DOK6: variants seen among roughly 807,000 people sequenced by gnomAD.
DOK6 encodes docking protein 6, also known as downstream of tyrosine kinase 6.
In DOK6, 22 loss-of-function variants were observed where a neutral mutation model predicts 44.0. The observed-to-expected ratio is 0.50, with a 90% CI of 0.36 to 0.71. DOK6 has a LOEUF of 0.71. Ranked by LOEUF, DOK6 falls within the 30% of genes least tolerant of loss-of-function variation. The pLI is 0.00. For synonymous variants in DOK6, 166 were observed against 145.5 expected (o/e 1.14, Z -1.01); for missense variants, 340 against 416.4 (o/e 0.82, Z 1.60).
rs56689317 is a variant in DOK6 at position 69,657,708 on chromosome 18, T to C, written c.290-20026T>C. Among the ~76,000 whole-genome samples the C allele has an allele frequency of 5.0e-3, 760 of 152,292 alleles. 6 individuals are homozygous for C. The highest frequency in any genetic ancestry group is 0.017 in the African/African-American group (720 of 41,546). Reference sequence around the variant, plus strand: ...ATAAAAATTAAGTGCTGATAACTTTTACAAGGGGAAAACTGGCCCAACACA... The same window carrying C: ...ATAAAAATTAAGTGCTGATAACTTTCACAAGGGGAAAACTGGCCCAACACA... On this transcript the variant is annotated intron_variant, in intron 3 of 7. Transcript: ENST00000382713.
intron 3 of DOK6, among the ~76,000 whole-genome samples, chr18:69,648,968 G>A (rs1047442129): frequency 3.3e-5 from 5 of 152,100 alleles, no homozygotes; most frequent in African/African-American, 4.8e-5. Context: ...CTACTACAAA[G>A]CACTTAATCC....
chr18:69,511,524 A>T (rs1398643997), intron 1 of DOK6, among the ~76,000 whole-genome samples: 2 of 152,218 alleles, frequency 1.3e-5, no homozygotes, highest in African/African-American at 2.4e-5. Flanking sequence ...ATTAAAGGAG[A>T]TGAAGCCTGT....
chr18:69,571,877 A>T (rs1204801359), intron 2 of DOK6, among the ~76,000 whole-genome samples: 1 of 152,080 alleles, frequency 6.6e-6, no homozygotes, highest in Non-Finnish European at 1.5e-5. Context: ...TAACACAATC[A>T]ACCACTTTGA....
At chr18:69,666,275 G>A (rs917703503) in intron 3 of DOK6, among the ~76,000 whole-genome samples, 1 of 152,038 alleles carries the variant, frequency 6.6e-6, no homozygotes, top group Admixed American at 6.6e-5. Context: ...CATTCACCAA[G>A]TTACTACAGG....
At chr18:69,747,875 T>G (rs73970253) in intron 6 of DOK6, among the ~76,000 whole-genome samples, 10,548 of 151,898 alleles carry the variant, frequency 0.069, 542 homozygotes, top group African/African-American at 0.14. Flanking sequence ...TCAGAAGAAG[T>G]GAGAGGAAGA....
chr18:69,458,612 A>G (rs1979695208), intron 1 of DOK6, among the ~76,000 whole-genome samples: 1 of 152,208 alleles, frequency 6.6e-6, no homozygotes, highest in South Asian at 2.1e-4. Flanking sequence ...TCTCTTCACT[A>G]TCAATATCTA....
chr18:69,588,532 A>G (rs2144615148), intron 2 of DOK6, among the ~76,000 whole-genome samples: 1 of 152,262 alleles, frequency 6.6e-6, no homozygotes, highest in South Asian at 2.1e-4. Flanking sequence ...GGAGACTTCT[A>G]GTCACATCAC....
chr18:69,407,525 G>C (rs1916228848), intron 1 of DOK6, among the ~76,000 whole-genome samples: 1 of 152,138 alleles, frequency 6.6e-6, no homozygotes, highest in Non-Finnish European at 1.5e-5. Flanking sequence ...ACAAATTCTA[G>C]ATAGGGAACA....
chr18:69,597,502 CATGT>C (rs1983771532), intron 2 of DOK6, among the ~76,000 whole-genome samples: 2 of 149,220 alleles, frequency 1.3e-5, no homozygotes, highest in Admixed American at 1.4e-4. Context: ...TTATCTAACA[CATGT>C]ATTTTCTCCA....
chr18:69,498,876 G>A (rs17081083), intron 1 of DOK6, among the ~76,000 whole-genome samples: 2,400 of 152,188 alleles, frequency 0.016, 43 homozygotes, highest in East Asian at 0.047. Context: ...AAATTTTCCC[G>A]TGTATCAGGG....
intron 5 of DOK6, among the ~76,000 whole-genome samples, chr18:69,725,568 G>A (rs748784553): frequency 2.0e-5 from 3 of 152,096 alleles, no homozygotes; most frequent in Non-Finnish European, 4.4e-5. Context: ...GCTCACTGCA[G>A]CCTCCGCCTC....
At chr18:69,430,464 A>G (rs1978772006) in intron 1 of DOK6, among the ~76,000 whole-genome samples, 2 of 152,192 alleles carry the variant, frequency 1.3e-5, no homozygotes, top group African/African-American at 4.8e-5. Flanking sequence ...TAAAATAGCA[A>G]TCACAAAACG....
At chr18:69,641,087 G>C (rs1012041360) in intron 3 of DOK6, among the ~76,000 whole-genome samples, 1 of 151,874 alleles carries the variant, frequency 6.6e-6, no homozygotes, top group Non-Finnish European at 1.5e-5. Flanking sequence ...GTGGTGACAC[G>C]TGCCTGTAGT....
chr18:69,466,156 A>G (rs1178121926), intron 1 of DOK6, among the ~76,000 whole-genome samples: 1 of 152,106 alleles, frequency 6.6e-6, no homozygotes. Flanking sequence ...TTTGACAAAC[A>G]TTATTCTATT....
intron 3 of DOK6, chr18:69,663,270 T>A (rs1400754438): frequency 6.6e-6 from 1 of 152,148 alleles, no homozygotes; most frequent in African/African-American, 2.4e-5. Context: ...TTTTAAGATC[T>A]TCTAAAAAGG....
At chr18:69,516,473 A>C (rs1981526395) in intron 1 of DOK6, among the ~76,000 whole-genome samples, 1 of 152,206 alleles carries the variant, frequency 6.6e-6, no homozygotes, top group South Asian at 2.1e-4. Context: ...AAGAGGGTGT[A>C]TGCAAAGACA....
intron 1 of DOK6, among the ~76,000 whole-genome samples, chr18:69,416,457 A>T (rs1978343450): frequency 6.6e-6 from 1 of 152,126 alleles, no homozygotes; most frequent in Non-Finnish European, 1.5e-5. Context: ...AAAACATAAA[A>T]ATGTCTTTTC....
At chr18:69,411,361 T>A (rs1439558193) in intron 1 of DOK6, among the ~76,000 whole-genome samples, 1 of 152,018 alleles carries the variant, frequency 6.6e-6, no homozygotes, top group Non-Finnish European at 1.5e-5. Flanking sequence ...GAGCCTGGGG[T>A]GTAGAATAGA....
chr18:69,703,731 G>GAAT (rs1986572316), intron 5 of DOK6, among the ~76,000 whole-genome samples: 1 of 152,118 alleles, frequency 6.6e-6, no homozygotes, highest in Non-Finnish European at 1.5e-5. Flanking sequence ...AGGGGAAGAA[G>GAAT]GTGGGAACAT....
Sources: gnomAD v4.1 joint callset for allele counts (sites outside exome capture counted in the v4.1 genomes callset) on GRCh38, gnomAD v4.1.1 for gene constraint, MANE v1.5 for transcripts, NCBI Gene and HGNC (gene_info 2026-07-23, HGNC 2026-07-21) for gene names.